MIPOL1: variants seen among roughly 807,000 people sequenced by gnomAD.
The protein encoded by MIPOL1 is mirror-image polydactyly gene 1 protein.
In MIPOL1, 57 loss-of-function variants were observed where a neutral mutation model predicts 60.9. The observed-to-expected ratio is 0.94, with a 90% CI of 0.76 to 1.17. The LOEUF is 1.17. Ranked by LOEUF, MIPOL1 falls within the 50% of genes most tolerant of loss-of-function variation. The pLI, the probability that MIPOL1 is intolerant of heterozygous loss-of-function variation, is 0.00. For missense variants in MIPOL1, 551 were observed against 511.6 expected (o/e 1.08, Z -0.74); for synonymous variants, 179 against 168.8 (o/e 1.06, Z -0.47).
At chr14:37,469,196 A>G (rs1052940086) in intron 11 of MIPOL1, among the ~76,000 whole-genome samples, 6 of 152,210 alleles carry the variant, frequency 3.9e-5, no homozygotes, top group African/African-American at 1.2e-4. Flanking sequence ...ATTGACTCAC[A>G]GTTCTGCAGG....
chr14:37,411,137 A>G (rs1278182502), intron 10 of MIPOL1, among the ~76,000 whole-genome samples: 1 of 152,154 alleles, frequency 6.6e-6, no homozygotes, highest in South Asian at 2.1e-4. Flanking sequence ...GACAAACACT[A>G]TTCAAAAGAA....
At chr14:37,376,189 A>G (rs1208703337) in intron 10 of MIPOL1, among the ~76,000 whole-genome samples, 2 of 152,198 alleles carry the variant, frequency 1.3e-5, no homozygotes, top group Non-Finnish European at 2.9e-5. Flanking sequence ...TTGACACATC[A>G]TTGTAACCAA....
At chr14:37,395,471 G>T (rs1240533640) in intron 10 of MIPOL1, among the ~76,000 whole-genome samples, 1 of 151,976 alleles carries the variant, frequency 6.6e-6, no homozygotes, top group Non-Finnish European at 1.5e-5. Flanking sequence ...TCACCTCCTT[G>T]GTTAGGTAGA....
At chr14:37,470,512 G>T (rs2094670239) in intron 11 of MIPOL1, among the ~76,000 whole-genome samples, 2 of 152,078 alleles carry the variant, frequency 1.3e-5, no homozygotes, top group Admixed American at 6.5e-5. Context: ...CTCCTGCTCT[G>T]CCATGTGAAG....
intron 10 of MIPOL1, among the ~76,000 whole-genome samples, chr14:37,386,046 T>C (rs1171207293): frequency 6.6e-6 from 1 of 152,068 alleles, no homozygotes; most frequent in Non-Finnish European, 1.5e-5. Context: ...ATGTCTTCTT[T>C]AGTGGTTTGG....
chr14:37,267,500 A>G (rs7159514), intron 4 of MIPOL1, among the ~76,000 whole-genome samples: 127,304 of 151,442 alleles, frequency 0.84, 57,262 homozygotes, highest in East Asian at 1. Flanking sequence ...AAAAAAAAAA[A>G]AGAGAAAGTT....
At chr14:37,322,079 G>T (rs61989589) in intron 9 of MIPOL1, among the ~76,000 whole-genome samples, 3 of 151,888 alleles carry the variant, frequency 2.0e-5, no homozygotes, top group South Asian at 2.1e-4. Context: ...CCATCAATTC[G>T]TCTCACTTAT....
At chr14:37,337,939 C>G (rs2153459851) in intron 9 of MIPOL1, among the ~76,000 whole-genome samples, 1 of 152,016 alleles carries the variant, frequency 6.6e-6, no homozygotes. Context: ...AAGGCTTTGT[C>G]TAACTCATGG....
At chr14:37,201,531 A>G (rs10136217) in intron 1 of MIPOL1, among the ~76,000 whole-genome samples, 68,061 of 151,652 alleles carry the variant, frequency 0.45, 17,700 homozygotes, top group African/African-American at 0.73. Flanking sequence ...GTAATATTTT[A>G]AGGTGCATTT....
chr14:37,215,191 GGACACGTGACC>G (rs1967415901), intron 1 of MIPOL1, among the ~76,000 whole-genome samples: 1 of 152,070 alleles, frequency 6.6e-6, no homozygotes, highest in African/African-American at 2.4e-5. Flanking sequence ...CCTGTCCAAT[GGACACGTGACC>G]AATGTGACCT....
At chr14:37,225,044 A>G (rs1379030653) in intron 1 of MIPOL1, among the ~76,000 whole-genome samples, 2 of 152,178 alleles carry the variant, frequency 1.3e-5, no homozygotes, top group East Asian at 3.9e-4. Context: ...CTTTGACTCC[A>G]TGTCTCACAT....
chr14:37,380,177 G>GAGAA (rs1290965132), intron 10 of MIPOL1, among the ~76,000 whole-genome samples: 2 of 152,138 alleles, frequency 1.3e-5, no homozygotes, highest in Non-Finnish European at 2.9e-5. Flanking sequence ...GAAAAGCGGA[G>GAGAA]AGAAAGAAGT....
At chr14:37,279,245 A>G (rs1310721378) in intron 6 of MIPOL1, among the ~76,000 whole-genome samples, 1 of 149,166 alleles carries the variant, frequency 6.7e-6, no homozygotes, top group Non-Finnish European at 1.5e-5. Flanking sequence ...TTAAGGAGAA[A>G]AGTTTGTATG....
intron 11 of MIPOL1, among the ~76,000 whole-genome samples, chr14:37,468,071 G>T (rs1179251565): frequency 6.8e-6 from 1 of 147,506 alleles, no homozygotes; most frequent in African/African-American, 2.5e-5. Context: ...AAAAAAAAAA[G>T]AGAGATCAGA....
At chr14:37,450,864 G>A (rs953765774) in intron 11 of MIPOL1, among the ~76,000 whole-genome samples, 5 of 151,884 alleles carry the variant, frequency 3.3e-5, no homozygotes, top group East Asian at 1.9e-4. Flanking sequence ...ATATAAAATC[G>A]TGTCCACTTC....
At chr14:37,487,839 C>A (rs1246518040) in intron 11 of MIPOL1, among the ~76,000 whole-genome samples, 5 of 152,150 alleles carry the variant, frequency 3.3e-5, no homozygotes, top group African/African-American at 7.2e-5. Context: ...CTCCTTCAGT[C>A]TGCTCTGATC....
intron 11 of MIPOL1, among the ~76,000 whole-genome samples, chr14:37,484,952 G>A (rs148989239): frequency 1.3e-5 from 2 of 151,940 alleles, no homozygotes; most frequent in African/African-American, 2.4e-5. Context: ...CCATCAACCC[G>A]TTACCTACAT....
chr14:37,492,874 C>T (rs1470334122), intron 11 of MIPOL1, among the ~76,000 whole-genome samples: 1 of 152,138 alleles, frequency 6.6e-6, no homozygotes, highest in African/African-American at 2.4e-5. Context: ...CCCCGCCACC[C>T]CCACCAGTTG....
intron 1 of MIPOL1, among the ~76,000 whole-genome samples, chr14:37,227,502 ATGTG>A (rs1186381752): frequency 6.6e-6 from 1 of 151,810 alleles, no homozygotes; most frequent in Non-Finnish European, 1.5e-5. Flanking sequence ...GTGTGTGTGT[ATGTG>A]TGTGTGTATT....
Sources: gnomAD v4.1 joint callset for allele counts (sites outside exome capture counted in the v4.1 genomes callset) on GRCh38, gnomAD v4.1.1 for gene constraint, MANE v1.5 for transcripts, NCBI Gene and HGNC (gene_info 2026-07-23, HGNC 2026-07-21) for gene names.